The following CSMD3 variants were observed in gnomAD, a reference collection of about 807,000 sequenced individuals.
CSMD3 encodes the protein CUB and Sushi multiple domains 3, also known as CUB and sushi domain-containing protein 3.
CSMD3 carries 177 observed loss-of-function variants against 435.2 expected under a neutral mutation model. The ratio of observed to expected loss-of-function variants is 0.41; its 90% CI spans 0.36 to 0.46. The LOEUF is 0.46. CSMD3 is among the 20% of genes least tolerant of loss of function. CSMD3 has a pLI of 0.34. For missense variants in CSMD3, 4,265 were observed against 4,504.6 expected, an observed-to-expected ratio of 0.95 and a Z score of 1.52; for synonymous variants, 1,656 against 1,520.5, an observed-to-expected ratio of 1.09 and a Z score of -2.07.
intron 5 of CSMD3, among the ~76,000 whole-genome samples, chr8:113,065,819 A>G (rs751853549): frequency 1.3e-5 from 2 of 152,184 alleles, no homozygotes; most frequent in Non-Finnish European, 2.9e-5. Flanking sequence ...TAGGTTCACA[A>G]AACTTCAAGT....
At chr8:113,204,199 CTATTT>C (rs549186001) in intron 3 of CSMD3, among the ~76,000 whole-genome samples, 2,107 of 152,030 alleles carry the variant, frequency 0.014, 18 homozygotes, top group Non-Finnish European at 0.022. Flanking sequence ...TTAAATTGTC[CTATTT>C]TATTAGAGGA....
intron 22 of CSMD3, among the ~76,000 whole-genome samples, chr8:112,634,841 C>T (rs1031100149): frequency 2.0e-5 from 3 of 151,540 alleles, no homozygotes; most frequent in Non-Finnish European, 2.9e-5. Flanking sequence ...TCTAGAATCA[C>T]GTTTCCCTAG....
At chr8:113,090,824 T>A (rs1254148089) in intron 5 of CSMD3, among the ~76,000 whole-genome samples, 2 of 152,138 alleles carry the variant, frequency 1.3e-5, no homozygotes, top group Non-Finnish European at 2.9e-5. Context: ...TGCCCAGCAA[T>A]CCTTTGATTC....
intron 1 of CSMD3, among the ~76,000 whole-genome samples, chr8:113,339,879 C>T (rs577580445): frequency 3.1e-4 from 47 of 152,078 alleles, no homozygotes; most frequent in African/African-American, 1.0e-3. Context: ...TCTATCAATG[C>T]TCACACCGTA....
intron 27 of CSMD3, among the ~76,000 whole-genome samples, chr8:112,536,106 G>A (rs528901943): frequency 1.3e-5 from 2 of 152,242 alleles, no homozygotes; most frequent in African/African-American, 4.8e-5. Flanking sequence ...CAGGACATAG[G>A]CATGGGCAAG....
chr8:112,368,520 A>G (rs1828008346), intron 38 of CSMD3, among the ~76,000 whole-genome samples: 1 of 152,212 alleles, frequency 6.6e-6, no homozygotes, highest in African/African-American at 2.4e-5. Flanking sequence ...ACTTGTTTAC[A>G]TGTCCTTACT....
At chr8:112,973,543 T>A (rs1277744309) in intron 7 of CSMD3, among the ~76,000 whole-genome samples, 1 of 151,942 alleles carries the variant, frequency 6.6e-6, no homozygotes, top group Non-Finnish European at 1.5e-5. Flanking sequence ...ATTTTAGGCA[T>A]GTGTCTGAGC....
intron 50 of CSMD3, among the ~76,000 whole-genome samples, chr8:112,306,671 C>T (rs888934376): frequency 2.0e-5 from 3 of 152,100 alleles, no homozygotes; most frequent in Admixed American, 1.3e-4. Flanking sequence ...TACCTGAAAG[C>T]TGGCTATTTC....
chr8:112,913,437 T>A (rs1028092258), intron 10 of CSMD3, among the ~76,000 whole-genome samples: 1 of 151,942 alleles, frequency 6.6e-6, no homozygotes, highest in East Asian at 1.9e-4. Context: ...GTGAGCCTGG[T>A]TCCTTACAGT....
intron 11 of CSMD3, among the ~76,000 whole-genome samples, chr8:112,834,190 C>A (rs1337649264): frequency 6.6e-6 from 1 of 151,978 alleles, no homozygotes; most frequent in East Asian, 1.9e-4. Flanking sequence ...ACTAACTAAT[C>A]CATATACTTT....
chr8:112,374,290 A>T (rs1828732717), intron 38 of CSMD3, among the ~76,000 whole-genome samples: 2 of 152,018 alleles, frequency 1.3e-5, no homozygotes, highest in Admixed American at 1.3e-4. Context: ...TCTTTTTCTC[A>T]TCTCTCTTTA....
intron 3 of CSMD3, among the ~76,000 whole-genome samples, chr8:113,239,503 T>TATC (rs371752641): frequency 0.012 from 1,726 of 140,180 alleles, 44 homozygotes; most frequent in African/African-American, 0.043. Flanking sequence ...TAGTTTTATC[T>TATC]ATCTATCTAT....
At chr8:112,846,671 A>T (rs979256656) in intron 11 of CSMD3, among the ~76,000 whole-genome samples, 2 of 151,916 alleles carry the variant, frequency 1.3e-5, no homozygotes, top group Non-Finnish European at 2.9e-5. Flanking sequence ...TGGCCTCCCA[A>T]AGTAGCTCCC....
At chr8:112,672,145 C>T (rs1713771149) in intron 16 of CSMD3, among the ~76,000 whole-genome samples, 4 of 151,820 alleles carry the variant, frequency 2.6e-5, no homozygotes, top group Admixed American at 2.0e-4. Flanking sequence ...CAGGTACTGT[C>T]CCAGGGGCAT....
chr8:113,101,756 A>G (rs2090336609), intron 4 of CSMD3, among the ~76,000 whole-genome samples: 1 of 152,080 alleles, frequency 6.6e-6, no homozygotes, highest in Non-Finnish European at 1.5e-5. Flanking sequence ...ACTGAGTTCT[A>G]TGCTCAACAC....
At chr8:113,276,152 C>A (rs1280975046) in intron 3 of CSMD3, among the ~76,000 whole-genome samples, 2 of 152,064 alleles carry the variant, frequency 1.3e-5, no homozygotes, top group East Asian at 1.9e-4. Flanking sequence ...CCAAATAATG[C>A]CCCTCTACCT....
intron 3 of CSMD3, among the ~76,000 whole-genome samples, chr8:113,243,165 TA>T (rs2093238446): frequency 6.6e-6 from 1 of 151,868 alleles, no homozygotes; most frequent in African/African-American, 2.4e-5. Context: ...AAGCTCCACT[TA>T]AAACTGAAAG....
chr8:112,631,968 G>C (rs1200078985), intron 22 of CSMD3, among the ~76,000 whole-genome samples: 1 of 151,872 alleles, frequency 6.6e-6, no homozygotes, highest in Non-Finnish European at 1.5e-5. Context: ...CCATATATCT[G>C]CAATGCTGAC....
In CSMD3 at chr8:112,759,449, G is replaced by C. The variant is rs546733892; in HGVS notation, c.1972+40713C>G. Among the ~76,000 whole-genome samples the C allele has an allele frequency of 2.6e-5, 4 of 152,190 alleles. No individual in the cohort carries two copies. In the South Asian group the frequency reaches 8.3e-4, roughly 32 times the overall value. Reference sequence around the variant, plus strand: ...AAGAGAAACCAGAATGTAGATTTGAGTCTTGAGACTGATAAAGAAATCGTC... The same window carrying C: ...AAGAGAAACCAGAATGTAGATTTGACTCTTGAGACTGATAAAGAAATCGTC... On this transcript the variant is annotated intron_variant, in intron 13 of 70. Coordinates refer to ENST00000297405, the MANE Select transcript of CSMD3 (RefSeq NM_198123.2).
Sources: allele counts gnomAD v4.1 joint callset (sites outside exome capture counted in the v4.1 genomes callset), GRCh38; gene constraint gnomAD v4.1.1; transcripts MANE v1.5; gene names NCBI Gene and HGNC (gene_info 2026-07-23, HGNC 2026-07-21).